The following SLC8A1 variants were observed in gnomAD, a reference collection of about 807,000 sequenced individuals.
SLC8A1 encodes sodium/calcium exchanger 1.
A neutral mutation model predicts 68.3 loss-of-function variants in SLC8A1; 18 were observed. The observed-to-expected ratio is 0.26, with a 90% CI of 0.18 to 0.39. The LOEUF is 0.39. Ranked by LOEUF, SLC8A1 falls within the 10% of genes least tolerant of loss-of-function variation. The pLI is 1.00. For missense variants in SLC8A1, 985 were observed against 1,156.7 expected (o/e 0.85, Z 2.15); for synonymous variants, 475 against 415.5 (o/e 1.14, Z -1.74).
chr2:40,415,438 A>T (rs1280539242), intron 2 of SLC8A1, among the ~76,000 whole-genome samples: 1 of 152,028 alleles, frequency 6.6e-6, no homozygotes, highest in African/African-American at 2.4e-5. Context: ...AAAAAAAAAA[A>T]AAGAAAACTG....
At chr2:40,404,472 G>A (rs897762546) in intron 2 of SLC8A1, among the ~76,000 whole-genome samples, 3 of 152,056 alleles carry the variant, frequency 2.0e-5, no homozygotes, top group Non-Finnish European at 4.4e-5. Context: ...TAAATATATG[G>A]TTTTATGCAA....
At chr2:40,499,339 T>C (rs963664390) in intron 1 of SLC8A1, among the ~76,000 whole-genome samples, 2 of 152,058 alleles carry the variant, frequency 1.3e-5, no homozygotes, top group Non-Finnish European at 2.9e-5. Context: ...TTTCCTCATC[T>C]AAAAATGAGG....
At chr2:40,153,782 A>T (rs2043902446) in intron 6 of SLC8A1, among the ~76,000 whole-genome samples, 1 of 152,214 alleles carries the variant, frequency 6.6e-6, no homozygotes, top group Non-Finnish European at 1.5e-5. Flanking sequence ...ATTCCTTATG[A>T]TGGGATTTAG....
chr2:40,244,469 C>T (rs2061591173), intron 2 of SLC8A1, among the ~76,000 whole-genome samples: 1 of 150,210 alleles, frequency 6.7e-6, no homozygotes, highest in Non-Finnish European at 1.5e-5. Context: ...AGACGTTACT[C>T]TGATTTTTCC....
chr2:40,331,459 C>G (rs2076397626), intron 2 of SLC8A1, among the ~76,000 whole-genome samples: 1 of 151,986 alleles, frequency 6.6e-6, no homozygotes, highest in African/African-American at 2.4e-5. Flanking sequence ...AAAGAACACT[C>G]CCGGGAGAAT....
At chr2:40,101,041 G>C (rs1183486612) in exon 8 of SLC8A1, 5 of 152,066 alleles carry the variant, frequency 3.3e-5, no homozygotes, top group African/African-American at 1.2e-4. Flanking sequence ...ATATTTTCAG[G>C]TTAGAATTCA....
intron 2 of SLC8A1, chr2:40,220,342 C>T (rs2058139538): frequency 6.6e-6 from 1 of 152,132 alleles, no homozygotes; most frequent in Non-Finnish European, 1.5e-5. Context: ...TCTTTCACCT[C>T]TTGTGCAAGG....
chr2:40,240,192 A>C (rs552848408), intron 2 of SLC8A1, among the ~76,000 whole-genome samples: 2 of 152,324 alleles, frequency 1.3e-5, no homozygotes, highest in Admixed American at 1.3e-4. Flanking sequence ...GTGGGAAATG[A>C]TTATCCCTAG....
At chr2:40,345,427 C>T (rs956155789) in intron 2 of SLC8A1, among the ~76,000 whole-genome samples, 2 of 151,926 alleles carry the variant, frequency 1.3e-5, no homozygotes, top group Admixed American at 6.6e-5. Flanking sequence ...TCAGAAGATT[C>T]ATGTGAGCAA....
At chr2:40,391,663 T>A (rs949656827) in intron 2 of SLC8A1, among the ~76,000 whole-genome samples, 1 of 152,072 alleles carries the variant, frequency 6.6e-6, no homozygotes. Context: ...GAGCAATCAT[T>A]CTGCTTCCAT....
At chr2:40,312,140 T>C (rs924726079) in intron 2 of SLC8A1, among the ~76,000 whole-genome samples, 2 of 152,148 alleles carry the variant, frequency 1.3e-5, no homozygotes, top group Non-Finnish European at 2.9e-5. Flanking sequence ...GCAAGTCATC[T>C]CTGTCTTGTT....
chr2:40,511,581 A>C (rs980543028), intron 1 of SLC8A1, among the ~76,000 whole-genome samples: 7 of 152,192 alleles, frequency 4.6e-5, no homozygotes, highest in African/African-American at 1.7e-4. Flanking sequence ...TGAGACACAG[A>C]ATTTTTGATA....
At chr2:40,502,442 T>C (rs1706111920) in intron 1 of SLC8A1, among the ~76,000 whole-genome samples, 1 of 152,044 alleles carries the variant, frequency 6.6e-6, no homozygotes, top group Non-Finnish European at 1.5e-5. Flanking sequence ...CACCAAAATA[T>C]AGTGTTTGAA....
At chr2:40,192,063 A>C (rs892643345) in intron 2 of SLC8A1, among the ~76,000 whole-genome samples, 8 of 152,178 alleles carry the variant, frequency 5.3e-5, no homozygotes, top group African/African-American at 1.7e-4. Flanking sequence ...TATGTAACCC[A>C]CAAGGTTAAT....
chr2:40,321,488 A>G lies in SLC8A1; in HGVS notation c.1808+106985T>C, dbSNP rs139728693. The stretch of plus-strand genomic sequence containing the variant: ...TTACTATCTGTATTAGTCTGTTCTC[A>G]TGCTACTAATAAAGACATACCCGAG... On this transcript the variant is annotated intron_variant, in intron 2 of 7. Transcript: ENST00000406785. 6.4e-3 allele frequency among the ~76,000 whole-genome samples: 969 copies of G among 152,198 alleles called. 9 individuals carry two copies. Among genetic ancestry groups the G allele is most frequent in the African/African-American group, 0.022 (901 of 41,534 alleles).
At chr2:40,151,511 T>C (rs770262129) in intron 6 of SLC8A1, among the ~76,000 whole-genome samples, 2 of 152,164 alleles carry the variant, frequency 1.3e-5, no homozygotes, top group African/African-American at 2.4e-5. Context: ...TTTTTTTTTA[T>C]TTAGATTCTT....
exon 8 of SLC8A1, chr2:40,097,471 T>C (rs948010465): frequency 8.6e-5 from 13 of 151,430 alleles, no homozygotes; most frequent in African/African-American, 2.4e-4. Flanking sequence ...ATACCATCAA[T>C]TTTACACATG....
chr2:40,440,549 T>C (rs900131728), intron 1 of SLC8A1, among the ~76,000 whole-genome samples: 1 of 152,154 alleles, frequency 6.6e-6, no homozygotes, highest in Non-Finnish European at 1.5e-5. Flanking sequence ...AACCATGAGA[T>C]AGACAGACGT....
intron 6 of SLC8A1, 41 bp downstream of exon 9, chr2:40,160,724 T>C (rs775596392): frequency 1.3e-6 from 2 of 1,571,238 alleles, no homozygotes; most frequent in South Asian, 1.1e-5. Context: ...CAGCTCAGAT[T>C]GGGCAATTTT....
Sources: allele counts gnomAD v4.1 joint callset (sites outside exome capture counted in the v4.1 genomes callset), GRCh38; gene constraint gnomAD v4.1.1; transcripts MANE v1.5; gene names NCBI Gene and HGNC (gene_info 2026-07-23, HGNC 2026-07-21).